Variants in CREBRF observed in about 807,000 individuals in gnomAD.
CREBRF encodes CREB3 regulatory factor, also known as UPF0474 protein C5orf41.
In CREBRF, 5 loss-of-function variants were observed where a neutral mutation model predicts 66.1. That is an observed-to-expected ratio of 0.08 (90% CI 0.04 to 0.16). CREBRF has a LOEUF of 0.16. CREBRF is among the 10% of genes least tolerant of loss of function. The pLI, the probability that CREBRF is intolerant of heterozygous loss-of-function variation, is 1.00. For synonymous variants in CREBRF, 229 were observed against 264.4 expected (o/e 0.87, Z 1.30); for missense variants, 531 against 744.9 (o/e 0.71, Z 3.34).
At chr5:173,061,926 G>T (rs1447393544) in intron 1 of CREBRF, among the ~76,000 whole-genome samples, 2 of 152,132 alleles carry the variant, frequency 1.3e-5, no homozygotes, top group Non-Finnish European at 2.9e-5. Context: ...ACTTGAACTG[G>T]ATTTCAAGTG....
At chr5:173,089,911 T>G (rs977998882) in intron 3 of CREBRF, among the ~76,000 whole-genome samples, 4 of 152,080 alleles carry the variant, frequency 2.6e-5, no homozygotes, top group African/African-American at 9.7e-5. Flanking sequence ...CTTATCACAT[T>G]GTTTGCTTTT....
chr5:173,095,221 T>G (rs1481263484), intron 4 of CREBRF, among the ~76,000 whole-genome samples: 1 of 146,810 alleles, frequency 6.8e-6, no homozygotes, highest in African/African-American at 2.5e-5. Flanking sequence ...TGGAGTCTCG[T>G]TCTGTTGCTC....
intron 1 of CREBRF, among the ~76,000 whole-genome samples, chr5:173,061,629 A>ACTATCAAGAGATG (rs1757276456): frequency 6.6e-6 from 1 of 152,260 alleles, no homozygotes; most frequent in Non-Finnish European, 1.5e-5. Context: ...TAGTCACGTG[A>ACTATCAAGAGATG]ATAGTCAACA....
At chr5:173,075,462 G>C (rs1205919595) in intron 1 of CREBRF, among the ~76,000 whole-genome samples, 2 of 152,156 alleles carry the variant, frequency 1.3e-5, no homozygotes, top group African/African-American at 4.8e-5. Flanking sequence ...GCTTGACTTA[G>C]TAAGCATCTG....
At chr5:173,078,271 T>C (rs1004986577) in intron 1 of CREBRF, among the ~76,000 whole-genome samples, 15 of 152,220 alleles carry the variant, frequency 9.9e-5, no homozygotes, top group Admixed American at 8.5e-4. Flanking sequence ...CAAAAATGTT[T>C]TAACATTTAC....
At chr5:173,120,435 A>G (rs979908784) in intron 7 of CREBRF, among the ~76,000 whole-genome samples, 1 of 150,026 alleles carries the variant, frequency 6.7e-6, no homozygotes, top group Admixed American at 6.7e-5. Context: ...GCTGGAGTGC[A>G]GTGGCACGAT....
chr5:173,058,759 A>G (rs1757159253), intron 1 of CREBRF, among the ~76,000 whole-genome samples: 1 of 136,994 alleles, frequency 7.3e-6, no homozygotes, highest in Non-Finnish European at 1.5e-5. Flanking sequence ...TGCTGGGATT[A>G]CAGGCGTGAG....
At chr5:173,057,113 T>C (rs1239973728) in intron 1 of CREBRF, among the ~76,000 whole-genome samples, 1 of 151,814 alleles carries the variant, frequency 6.6e-6, no homozygotes, top group Non-Finnish European at 1.5e-5. Flanking sequence ...GATTTGTTTA[T>C]ATGTCTTCTC....
At chr5:173,058,786 CTTTTT>C (rs70984932) in intron 1 of CREBRF, among the ~76,000 whole-genome samples, 2 of 64,056 alleles carry the variant, frequency 3.1e-5, no homozygotes, top group African/African-American at 1.1e-4. Context: ...CGCCCAGCCT[CTTTTT>C]TTTTTTTTTT....
chr5:173,062,600 G>A (rs1757307370), intron 1 of CREBRF, among the ~76,000 whole-genome samples: 1 of 151,262 alleles, frequency 6.6e-6, no homozygotes, highest in South Asian at 2.1e-4. Flanking sequence ...ATTCCTTGCA[G>A]GTATTAAAAA....
At chr5:173,102,717 T>C (rs1478312987) in intron 4 of CREBRF, among the ~76,000 whole-genome samples, 2 of 152,058 alleles carry the variant, frequency 1.3e-5, no homozygotes, top group Non-Finnish European at 2.9e-5. Flanking sequence ...TGGGGGTCTC[T>C]TGGGGCAGGC....
At chr5:173,101,398 A>T (rs1026081842) in intron 4 of CREBRF, among the ~76,000 whole-genome samples, 2 of 150,816 alleles carry the variant, frequency 1.3e-5, no homozygotes, top group African/African-American at 4.9e-5. Context: ...ATGTTATCTC[A>T]CTCTCTTCTA....
chr5:173,067,128 G>A (rs1384262799), intron 1 of CREBRF, among the ~76,000 whole-genome samples: 2 of 152,012 alleles, frequency 1.3e-5, no homozygotes, highest in Non-Finnish European at 2.9e-5. Context: ...CACCGTGCTC[G>A]GCCTGAGCCT....
At chr5:173,082,630 G>A (rs1181485619) in intron 2 of CREBRF, among the ~76,000 whole-genome samples, 1 of 151,416 alleles carries the variant, frequency 6.6e-6, no homozygotes, top group African/African-American at 2.4e-5. Context: ...TTTTTGGCCA[G>A]TTGGCAGTGG....
chr5:173,095,338 G>A (rs1338017112), intron 4 of CREBRF, among the ~76,000 whole-genome samples: 3 of 151,578 alleles, frequency 2.0e-5, no homozygotes, highest in Non-Finnish European at 2.9e-5. Flanking sequence ...ACAGGCGCCC[G>A]CCACCACGCC....
chr5:173,129,001 C>T (rs1223401054), intron 8 of CREBRF, among the ~76,000 whole-genome samples: 3 of 147,946 alleles, frequency 2.0e-5, no homozygotes, highest in Middle Eastern at 3.8e-3. Flanking sequence ...AGGATGGTCT[C>T]GATCTCCTGA....
At chr5:173,080,826 C>T (rs1471844669) in intron 2 of CREBRF, 42 bp downstream of exon 2, 2 of 1,597,852 alleles carry the variant, frequency 1.3e-6, no homozygotes, top group Non-Finnish European at 1.7e-6. Context: ...TATTTTCCCA[C>T]TACAGAAAGT....
chr5:173,080,229 T>C (rs1757899220), intron 1 of CREBRF, among the ~76,000 whole-genome samples: 1 of 152,172 alleles, frequency 6.6e-6, no homozygotes, highest in Non-Finnish European at 1.5e-5. Flanking sequence ...AATTTTGAGA[T>C]ATGTTTTCTC....
At chr5:173,087,910 G>A (rs1012262196) in intron 3 of CREBRF, among the ~76,000 whole-genome samples, 6 of 151,210 alleles carry the variant, frequency 4.0e-5, no homozygotes, top group Non-Finnish European at 8.8e-5. Context: ...TGCAACCTCC[G>A]CCTCCCAGGC....
Sources: gnomAD v4.1 joint callset for allele counts (sites outside exome capture counted in the v4.1 genomes callset) on GRCh38, gnomAD v4.1.1 for gene constraint, MANE v1.5 for transcripts, NCBI Gene and HGNC (gene_info 2026-07-23, HGNC 2026-07-21) for gene names.